TSEN2: variants seen among roughly 807,000 people sequenced by gnomAD.
TSEN2 encodes the protein tRNA-splicing endonuclease subunit Sen2.
Under a neutral mutation model 59.2 loss-of-function variants are expected in TSEN2, and 54 were observed. The ratio of observed to expected loss-of-function variants is 0.91; its 90% CI spans 0.73 to 1.14. The LOEUF is 1.14. TSEN2 is among the 50% of genes most tolerant of loss of function. The pLI, the probability that TSEN2 is intolerant of heterozygous loss-of-function variation, is 0.00. For missense variants in TSEN2, 636 were observed against 576.2 expected, an observed-to-expected ratio of 1.10 and a Z score of -1.06; for synonymous variants, 195 against 198.2, an observed-to-expected ratio of 0.98 and a Z score of 0.14.
chr3:12,480,675 C>T (rs775716285), upstream of TSEN2, among the ~76,000 whole-genome samples: 9 of 151,668 alleles, frequency 5.9e-5, no homozygotes, highest in Admixed American at 4.6e-4. Flanking sequence ...GGATTACAGG[C>T]GCATCACCAT....
Position 12,532,750 on chromosome 3 carries a change from C to T in TSEN2, c.*29C>T, listed in dbSNP as rs779131046. Reference sequence around the variant, plus strand: ...TTCAACCTCAAATTTCTAATTTCACCAACAACTATTTATTGAGGGCTAGGT... The same window carrying T: ...TTCAACCTCAAATTTCTAATTTCACTAACAACTATTTATTGAGGGCTAGGT... On this transcript the variant is annotated 3_prime_UTR_variant, in exon 12 of 12. Transcript: ENST00000284995. 1 of 1,610,316 alleles carries T rather than the reference C, an allele frequency of 6.2e-7. No homozygotes were observed. The highest frequency in any genetic ancestry group is 8.5e-7 in the Non-Finnish European group (1 of 1,176,680).
At chr3:12,486,341 C>T (rs796560320) in intron 1 of TSEN2, among the ~76,000 whole-genome samples, 13 of 152,296 alleles carry the variant, frequency 8.5e-5, no homozygotes, top group African/African-American at 3.1e-4. Context: ...CTCTGCTTTG[C>T]CTTTCGAGTT....
At chr3:12,509,718 T>G (rs2055230973) in intron 6 of TSEN2, among the ~76,000 whole-genome samples, 1 of 152,174 alleles carries the variant, frequency 6.6e-6, no homozygotes, top group Non-Finnish European at 1.5e-5. Flanking sequence ...CTTGAGGGAC[T>G]AAGAAGTTCG....
At chr3:12,530,289 A>G in intron 10 of TSEN2, 6 of 994,480 alleles carry the variant, frequency 6.0e-6, no homozygotes, top group Non-Finnish European at 7.2e-6. Flanking sequence ...GGGACTTGAT[A>G]TTTGTTGCTA....
At chr3:12,500,770 AC>A (rs1383150738) in intron 4 of TSEN2, among the ~76,000 whole-genome samples, 1 of 152,186 alleles carries the variant, frequency 6.6e-6, no homozygotes. Context: ...GTAGATGGTC[AC>A]TGAGCCTTAG....
At chr3:12,528,725 A>G (rs920706933) in intron 8 of TSEN2, among the ~76,000 whole-genome samples, 163 bp from the exon 9 acceptor site, 5 of 152,238 alleles carry the variant, frequency 3.3e-5, no homozygotes, top group African/African-American at 9.6e-5. Flanking sequence ...GTCTGAAAAA[A>G]TAGACCACAG....
At chr3:12,487,483 G>A (rs573746786) in intron 1 of TSEN2, among the ~76,000 whole-genome samples, 1 of 151,792 alleles carries the variant, frequency 6.6e-6, no homozygotes, top group African/African-American at 2.4e-5. Flanking sequence ...TCTTGAAGGT[G>A]GCCATTAAAT....
chr3:12,526,886 G>A (rs980889259), intron 8 of TSEN2, among the ~76,000 whole-genome samples: 2 of 152,200 alleles, frequency 1.3e-5, no homozygotes, highest in Non-Finnish European at 1.5e-5. Context: ...TGCTCCAGGT[G>A]CATATTGGAT....
chr3:12,515,522 G>A (rs776114609), intron 6 of TSEN2, among the ~76,000 whole-genome samples: 5 of 152,136 alleles, frequency 3.3e-5, no homozygotes, highest in Non-Finnish European at 7.4e-5. Flanking sequence ...CTACCATTTG[G>A]TCACTACCTG....
At chr3:12,534,382 C>T (rs1232481484), downstream of TSEN2, among the ~76,000 whole-genome samples, 1 of 152,136 alleles carries the variant, frequency 6.6e-6, no homozygotes, top group Admixed American at 6.5e-5. Context: ...AATGAACCTT[C>T]TAGAAAGGAA....
At position 12,484,631 on chromosome 3, in the gene TSEN2, A is replaced by G. The variant is rs1474423809; in HGVS notation, c.-267A>G. 2 of 152,356 alleles carry G rather than the reference A, an allele frequency of 1.3e-5. No homozygotes were observed. Among genetic ancestry groups the G allele is most frequent in the South Asian group, 2.1e-4 (1 of 4,830 alleles). 9.4% of individuals were successfully genotyped at this position (152,356 alleles called of 1,614,324 possible). A position where few individuals can be genotyped will look rare whatever the true frequency, so the allele number is the denominator to read the frequency against. On this transcript the variant is annotated 5_prime_UTR_variant, in exon 1 of 12. Transcript: ENST00000284995. ...GGGCGAGAGAGGAAAGGGCCTAGGT[A>G]CTGTGCTGGGGTCGCACAGCCGGCC...
At chr3:12,502,591 T>A (rs1481968890) in intron 4 of TSEN2, among the ~76,000 whole-genome samples, 1 of 151,980 alleles carries the variant, frequency 6.6e-6, no homozygotes, top group African/African-American at 2.4e-5. Context: ...GGCCATTTTC[T>A]TGTTTATTTA....
intron 3 of TSEN2, among the ~76,000 whole-genome samples, chr3:12,492,948 C>T (rs983894805): frequency 5.9e-5 from 9 of 152,190 alleles, no homozygotes; most frequent in Non-Finnish European, 1.2e-4. Flanking sequence ...CCTCTCTTTC[C>T]TCAGTCCCTG....
Position 12,519,045 on chromosome 3 carries a change from G to T in TSEN2, c.961-14G>T, listed in dbSNP as rs748777382. 6.2e-7 allele frequency: 1 copy of T among 1,613,046 alleles called. No homozygotes were observed. Among genetic ancestry groups the T allele is most frequent in the South Asian group, 1.1e-5 (1 of 91,040 alleles). ...ACATAGTAATGCTTTTTGTTTTTTTGTAAATAACTTTAGGAGCCTTTAACG... is the reference window on the plus strand; with the variant it reads ...ACATAGTAATGCTTTTTGTTTTTTTTTAAATAACTTTAGGAGCCTTTAACG... On this transcript the variant is annotated splice_polypyrimidine_tract_variant and intron_variant, in intron 7 of 11. Coordinates refer to ENST00000284995, the MANE Select transcript of TSEN2 (RefSeq NM_025265.4).
chr3:12,487,373 G>T (rs2052726266), intron 1 of TSEN2, among the ~76,000 whole-genome samples: 1 of 152,206 alleles, frequency 6.6e-6, no homozygotes, highest in Admixed American at 6.5e-5. Context: ...GCTAAATCTT[G>T]CCTTTTTTAG....
chr3:12,526,806 T>G lies in TSEN2; in HGVS notation c.1100-2082T>G, dbSNP rs377348023. ...GCCAGTGTTCTTGCTTAAACTAAGC[T>G]GTGCTGTGTCGGAGCCCATCATCAG... On this transcript the variant is annotated intron_variant, in intron 8 of 11. Transcript: ENST00000284995. Among the ~76,000 whole-genome samples the G allele has an allele frequency of 4.6e-5, 7 of 152,372 alleles. No homozygotes were observed. In the East Asian group the frequency reaches 1.3e-3, roughly 29 times the overall value.
chr3:12,506,843 C>G (rs1044660623), intron 6 of TSEN2: 1 of 985,272 alleles, frequency 1.0e-6, no homozygotes, highest in South Asian at 4.7e-5. Flanking sequence ...CAGGTAGGTC[C>G]CAAGAAGTGC....
At chr3:12,528,444 G>A (rs2057248347) in intron 8 of TSEN2, among the ~76,000 whole-genome samples, 1 of 152,220 alleles carries the variant, frequency 6.6e-6, no homozygotes, top group Non-Finnish European at 1.5e-5. Context: ...ATGGTGGCTG[G>A]GTGTGGTGGC....
chr3:12,529,535 T>C (rs560573798), intron 9 of TSEN2, among the ~76,000 whole-genome samples: 2 of 152,188 alleles, frequency 1.3e-5, no homozygotes, highest in African/African-American at 2.4e-5. Flanking sequence ...AGCTTTCACA[T>C]TGGGAAAAGT....
Sources: allele counts gnomAD v4.1 joint callset (sites outside exome capture counted in the v4.1 genomes callset), GRCh38; gene constraint gnomAD v4.1.1; transcripts MANE v1.5; gene names NCBI Gene and HGNC (gene_info 2026-07-23, HGNC 2026-07-21).